POLN: variants seen among roughly 807,000 people sequenced by gnomAD.
POLN encodes DNA polymerase N.
In POLN, 108 loss-of-function variants were observed where a neutral mutation model predicts 113.5. That is an observed-to-expected ratio of 0.95 (90% CI 0.81 to 1.12). POLN has a LOEUF of 1.12. POLN is among the 50% of genes most tolerant of loss of function. The probability of loss-of-function intolerance (pLI) is 0.00; values close to 1 mark genes in which losing one functional copy is unlikely to be tolerated. For synonymous variants in POLN, 386 were observed against 391.5 expected (o/e 0.99, Z 0.17); for missense variants, 1,097 against 1,077.1 (o/e 1.02, Z -0.26).
At chr4:2,201,465 A>T (rs141305669) in intron 5 of POLN, among the ~76,000 whole-genome samples, 50 of 151,762 alleles carry the variant, frequency 3.3e-4, no homozygotes, top group African/African-American at 1.2e-3. Context: ...GCTCAAAGAC[A>T]AGGTTTTCAA....
intron 17 of POLN, among the ~76,000 whole-genome samples, chr4:2,129,946 G>A (rs1323389258): frequency 1.3e-5 from 2 of 151,664 alleles, no homozygotes; most frequent in African/African-American, 2.4e-5. Context: ...ACAGTCACAT[G>A]TATTTTAGAA....
intron 5 of POLN, among the ~76,000 whole-genome samples, chr4:2,207,180 T>C (rs753647693): frequency 5.9e-5 from 9 of 152,174 alleles, no homozygotes; most frequent in South Asian, 4.1e-4. Flanking sequence ...TTCTTACTTA[T>C]AGGTGGGAGC....
At chr4:2,201,745 G>A (rs1192205751) in intron 5 of POLN, among the ~76,000 whole-genome samples, 1 of 152,172 alleles carries the variant, frequency 6.6e-6, no homozygotes, top group African/African-American at 2.4e-5. Context: ...TAGGCACATT[G>A]TCATCAGTTT....
chr4:2,156,476 C>G (rs1269066817), intron 16 of POLN: 1 of 512,658 alleles, frequency 2.0e-6, no homozygotes, highest in Non-Finnish European at 3.8e-6. Flanking sequence ...TTCTGGAAAT[C>G]AGAAGCCACC....
At chr4:2,113,902 AAT>A (rs1425067545) in intron 19 of POLN, among the ~76,000 whole-genome samples, 25 of 141,102 alleles carry the variant, frequency 1.8e-4, no homozygotes, top group African/African-American at 5.8e-4. Context: ...TAATAATAAT[AAT>A]GTCTTTTTTT....
chr4:2,193,153 G>T, intron 7 of POLN, 51 bp downstream of exon 7: 1 of 1,337,448 alleles, frequency 7.5e-7, no homozygotes, highest in South Asian at 1.2e-5. Flanking sequence ...TTCATAGGAG[G>T]AGTCACAGTT....
In POLN at chr4:2,123,640, A is replaced by G. The variant is rs572906265; in HGVS notation, c.1982+4473T>C. 3.7e-3 allele frequency among the ~76,000 whole-genome samples: 562 copies of G among 150,718 alleles called. 6 individuals carry two copies. The highest frequency in any genetic ancestry group is 0.021 in the South Asian group (98 of 4,766). ...ACCCTGTCTCAAAAAAAAAAAAAAA[A>G]AAAAAGAAAAAAAAATTCAGCCAGG... On this transcript the variant is annotated intron_variant, in intron 19 of 25. Transcript: ENST00000511885.
chr4:2,095,700 C>A, intron 20 of POLN, 151 bp downstream of exon 20: 2 of 721,570 alleles, frequency 2.8e-6, no homozygotes, highest in Non-Finnish European at 4.9e-6. Flanking sequence ...GGTGGTCTGG[C>A]CAGTGTCTGG....
intron 16 of POLN, chr4:2,139,739 A>G (rs1296238280): frequency 6.6e-6 from 1 of 152,260 alleles, no homozygotes; most frequent in African/African-American, 2.4e-5. Flanking sequence ...AGATATTTAA[A>G]TTATATGGGA....
intron 20 of POLN, chr4:2,088,929 A>C (rs1730606857): frequency 3.6e-6 from 4 of 1,110,262 alleles, no homozygotes; most frequent in Non-Finnish European, 5.3e-6. Flanking sequence ...GCAAAAGCTG[A>C]AGGTCTAGCA....
intron 2 of POLN, 61 bp downstream of exon 2, chr4:2,241,459 C>CAA (rs1206241894): frequency 1.9e-5 from 19 of 979,998 alleles, no homozygotes; most frequent in Non-Finnish European, 2.1e-5. Context: ...TCCCTGCCCT[C>CAA]CGTACGTAAG....
At chr4:2,133,673 T>C (rs1731783526) in intron 16 of POLN, among the ~76,000 whole-genome samples, 1 of 152,224 alleles carries the variant, frequency 6.6e-6, no homozygotes, top group Admixed American at 6.5e-5. Context: ...AGTGCAATAA[T>C]TGTGTTCAGT....
At chr4:2,075,579 C>A in intron 23 of POLN, 60 bp from the exon 24 acceptor site, 2 of 1,582,142 alleles carry the variant, frequency 1.3e-6, no homozygotes, top group Non-Finnish European at 8.7e-7. Context: ...GGGCCACCAG[C>A]CTGGCAGGGA....
intron 16 of POLN, among the ~76,000 whole-genome samples, chr4:2,132,034 A>G (rs554097711): frequency 1.3e-5 from 2 of 152,294 alleles, no homozygotes; most frequent in South Asian, 2.1e-4. Context: ...CAAGCATCAA[A>G]GTCCTGCAAT....
At chr4:2,159,277 A>T (rs905458842) in intron 13 of POLN, 66 bp from the exon 14 acceptor site, 1 of 1,317,280 alleles carries the variant, frequency 7.6e-7, no homozygotes, top group African/African-American at 1.5e-5. Flanking sequence ...ACGTATTTTC[A>T]TCTGGAGAAA....
At chr4:2,178,888 AG>A (rs1383529405) in intron 8 of POLN, among the ~76,000 whole-genome samples, 4 of 152,164 alleles carry the variant, frequency 2.6e-5, no homozygotes, top group Non-Finnish European at 5.9e-5. Context: ...CTGTGATTAC[AG>A]GCATGAGCTG....
chr4:2,142,036 C>G (rs1490883869), intron 16 of POLN, among the ~76,000 whole-genome samples: 1 of 152,228 alleles, frequency 6.6e-6, no homozygotes, highest in East Asian at 1.9e-4. Flanking sequence ...GGTACCCTCT[C>G]CCTCCTGTGA....
At position 2,098,250 on chromosome 4, in the gene POLN, C is replaced by G. The variant is rs553102735; in HGVS notation, c.1983-2317G>C. On this transcript the variant is annotated intron_variant, in intron 19 of 25. Transcript: ENST00000511885. Reference sequence around the variant, plus strand: ...GCAACATAGCAAGACCCTGTCTCTACAAAAATGAAAAATAAAAAATTAGCT... The same window carrying G: ...GCAACATAGCAAGACCCTGTCTCTAGAAAAATGAAAAATAAAAAATTAGCT... Among the ~76,000 whole-genome samples the G allele has an allele frequency of 2.0e-5, 3 of 152,032 alleles. No individual in the cohort carries two copies. The South Asian group carries it at 6.3e-4, about 32-fold the overall frequency.
chr4:2,241,861 C>A, intron 1 of POLN, 71 bp from the exon 2 acceptor site: 4 of 985,556 alleles, frequency 4.1e-6, no homozygotes, highest in Non-Finnish European at 4.8e-6. Flanking sequence ...GGGTGACAGG[C>A]CCCGCACAGC....
Sources: gnomAD v4.1 joint callset for allele counts (sites outside exome capture counted in the v4.1 genomes callset) on GRCh38, gnomAD v4.1.1 for gene constraint, MANE v1.5 for transcripts, NCBI Gene and HGNC (gene_info 2026-07-23, HGNC 2026-07-21) for gene names.